The following LIN54 variants were observed in gnomAD, a reference collection of about 807,000 sequenced individuals.
The protein encoded by LIN54 is protein lin-54 homolog.
Under a neutral mutation model 78.7 loss-of-function variants are expected in LIN54, and 9 were observed. The ratio of observed to expected loss-of-function variants is 0.11; its 90% CI spans 0.07 to 0.20. LIN54 has a LOEUF of 0.20. Among genes scored for constraint, LIN54 ranks in the 10% least tolerant of loss-of-function variants. The pLI is 1.00. For synonymous variants in LIN54, 269 were observed against 318.4 expected (o/e 0.84, Z 1.65); for missense variants, 573 against 889.9 (o/e 0.64, Z 4.53).
At chr4:82,963,251 CTT>C (rs1359364721) in intron 4 of LIN54, among the ~76,000 whole-genome samples, 1 of 152,074 alleles carries the variant, frequency 6.6e-6, no homozygotes, top group East Asian at 1.9e-4. Flanking sequence ...ATGAAAATAT[CTT>C]TTAAAAATAA....
intron 3 of LIN54, among the ~76,000 whole-genome samples, chr4:82,976,267 G>A (rs751216106): frequency 1.3e-5 from 2 of 151,876 alleles, no homozygotes; most frequent in Non-Finnish European, 2.9e-5. Context: ...TTTAAGCAAG[G>A]GTATGACAAG....
chr4:82,978,494 A>C (rs1726352273), intron 3 of LIN54, among the ~76,000 whole-genome samples: 1 of 152,224 alleles, frequency 6.6e-6, no homozygotes, highest in Admixed American at 6.5e-5. Flanking sequence ...TTACTAGCTG[A>C]ATGCCTCCAC....
intron 1 of LIN54, among the ~76,000 whole-genome samples, chr4:82,990,596 GC>G (rs1727599588): frequency 6.6e-6 from 1 of 151,860 alleles, no homozygotes; most frequent in Non-Finnish European, 1.5e-5. Flanking sequence ...CCATTCTCCT[GC>G]CTCAGCCTCC....
chr4:83,003,561 C>T (rs1036871562), intron 1 of LIN54: 4 of 152,108 alleles, frequency 2.6e-5, no homozygotes, highest in African/African-American at 9.7e-5. Flanking sequence ...GAGTCTCACT[C>T]TGTTGCCCAG....
At chr4:82,929,009 A>G (rs1232484627) in intron 12 of LIN54, among the ~76,000 whole-genome samples, 1 of 152,170 alleles carries the variant, frequency 6.6e-6, no homozygotes, top group Non-Finnish European at 1.5e-5. Context: ...CAAGCAACAT[A>G]ATCTAAACCA....
intron 4 of LIN54, among the ~76,000 whole-genome samples, chr4:82,957,918 T>C (rs1032674211): frequency 3.9e-5 from 6 of 152,196 alleles, no homozygotes; most frequent in Non-Finnish European, 8.8e-5. Flanking sequence ...TAAATACTTG[T>C]TGTATGGTTA....
At chr4:83,009,544 T>G (rs1330352267) in intron 1 of LIN54, among the ~76,000 whole-genome samples, 2 of 152,180 alleles carry the variant, frequency 1.3e-5, no homozygotes, top group African/African-American at 4.8e-5. Context: ...GGAGACAGAC[T>G]CCTTACGGAT....
At chr4:82,964,003 T>C (rs1370875592) in intron 4 of LIN54, among the ~76,000 whole-genome samples, 2 of 152,168 alleles carry the variant, frequency 1.3e-5, no homozygotes, top group African/African-American at 2.4e-5. Context: ...ATGTGAATTA[T>C]GACATTTTTT....
intron 4 of LIN54, among the ~76,000 whole-genome samples, chr4:82,952,297 T>G (rs1296580898): frequency 6.6e-6 from 1 of 152,134 alleles, no homozygotes; most frequent in East Asian, 1.9e-4. Context: ...AATCCAATTT[T>G]AAAATGAGCA....
chr4:82,974,031 A>G (rs898333775), intron 3 of LIN54, among the ~76,000 whole-genome samples: 1 of 152,126 alleles, frequency 6.6e-6, no homozygotes, highest in Non-Finnish European at 1.5e-5. Context: ...TAACACGGTG[A>G]AACCCCATCT....
intron 3 of LIN54, among the ~76,000 whole-genome samples, chr4:82,976,011 G>A (rs922368614): frequency 6.6e-6 from 1 of 152,186 alleles, no homozygotes; most frequent in African/African-American, 2.4e-5. Context: ...CAGCCGCAAG[G>A]AACGGCAAAG....
chr4:82,943,891 C>T (rs1342010380), intron 5 of LIN54, among the ~76,000 whole-genome samples: 1 of 130,102 alleles, frequency 7.7e-6, no homozygotes. Flanking sequence ...TTTTTTGAGA[C>T]AGAGTCTCAC....
At chr4:83,001,128 A>G (rs961579235) in intron 1 of LIN54, among the ~76,000 whole-genome samples, 3 of 152,076 alleles carry the variant, frequency 2.0e-5, no homozygotes, top group Non-Finnish European at 4.4e-5. Flanking sequence ...CAAAAGCAAT[A>G]AATTCTTACA....
chr4:82,975,123 T>C (rs2126076831), intron 3 of LIN54, among the ~76,000 whole-genome samples: 1 of 152,160 alleles, frequency 6.6e-6, no homozygotes, highest in Non-Finnish European at 1.5e-5. Context: ...TTTGGAAGGC[T>C]GAGGCAGGTG....
chr4:82,926,590 A>G lies in LIN54; in HGVS notation c.*1512T>C, dbSNP rs932790524. The G allele has an allele frequency of 6.6e-5, 10 of 152,248 alleles. No homozygotes were observed. The highest frequency in any genetic ancestry group is 2.2e-4 in the African/African-American group (9 of 41,452). The allele number at this position is 152,248 out of a possible 1,614,324, so 9.4% of individuals were successfully genotyped here. On this transcript the variant is annotated 3_prime_UTR_variant, in exon 13 of 13. Transcript: ENST00000340417. ...TACCTAACAAAATGCCTGAATTCCAACATGGTTTTTTCTTGTCATAAAATC... is the reference window on the plus strand; with the variant it reads ...TACCTAACAAAATGCCTGAATTCCAGCATGGTTTTTTCTTGTCATAAAATC...
At chr4:82,974,017 T>C (rs752405965) in intron 3 of LIN54, among the ~76,000 whole-genome samples, 11 of 152,062 alleles carry the variant, frequency 7.2e-5, no homozygotes, top group Admixed American at 2.0e-4. Flanking sequence ...GGGACCATCC[T>C]GGCTAACACG....
Position 82,925,685 on chromosome 4 carries a change from GTTA to G in LIN54, c.*2414_*2416del, listed in dbSNP as rs930500943. ...CATATTAAATGGTTAATAAAGTGGT[GTTA>G]TTATACTAAAGAAAAAATGCAAAAC... On this transcript the variant is annotated 3_prime_UTR_variant, in exon 13 of 13. Transcript: ENST00000340417. The G allele has an allele frequency of 4.6e-5, 7 of 152,690 alleles. No individual in the cohort carries two copies. Among genetic ancestry groups the G allele is most frequent in the South Asian group, 4.1e-4 (2 of 4,826 alleles). 9.5% of individuals were successfully genotyped at this position (152,690 alleles called of 1,614,324 possible). A position where few individuals can be genotyped will look rare whatever the true frequency, so the allele number is the denominator to read the frequency against.
chr4:82,951,286 C>A (rs558584664), intron 4 of LIN54, among the ~76,000 whole-genome samples: 1 of 152,224 alleles, frequency 6.6e-6, no homozygotes, highest in Admixed American at 6.5e-5. Context: ...TGAAATATTA[C>A]AAAAGAGGTA....
intron 5 of LIN54, among the ~76,000 whole-genome samples, chr4:82,943,010 G>A (rs1723065493): frequency 1.3e-5 from 2 of 151,456 alleles, no homozygotes; most frequent in South Asian, 4.2e-4. Flanking sequence ...ATAAAACCAA[G>A]TGGTCATAAA....
Sources: allele counts gnomAD v4.1 joint callset (sites outside exome capture counted in the v4.1 genomes callset), GRCh38; gene constraint gnomAD v4.1.1; transcripts MANE v1.5; gene names NCBI Gene and HGNC (gene_info 2026-07-23, HGNC 2026-07-21).